The following PHF14 variants were observed in gnomAD, a reference collection of about 807,000 sequenced individuals.
PHF14 encodes PHD finger protein 14.
Under a neutral mutation model 117.9 loss-of-function variants are expected in PHF14, and 55 were observed. The ratio of observed to expected loss-of-function variants is 0.47; its 90% CI spans 0.38 to 0.58. The LOEUF is 0.58. PHF14 is among the 20% of genes least tolerant of loss of function. The probability of loss-of-function intolerance (pLI) is 0.00; values close to 1 mark genes in which losing one functional copy is unlikely to be tolerated. For synonymous variants in PHF14, 409 were observed against 368.6 expected (o/e 1.11, Z -1.26); for missense variants, 978 against 1,122.2 (o/e 0.87, Z 1.84).
At chr7:10,986,256 T>C (rs1258562825) in intron 3 of PHF14, among the ~76,000 whole-genome samples, 1 of 151,968 alleles carries the variant, frequency 6.6e-6, no homozygotes, top group Non-Finnish European at 1.5e-5. Flanking sequence ...AGTGTTGGGA[T>C]TACAGGTGTG....
At chr7:11,133,857 G>A (rs1788149768) in intron 17 of PHF14, among the ~76,000 whole-genome samples, 1 of 152,004 alleles carries the variant, frequency 6.6e-6, no homozygotes, top group Non-Finnish European at 1.5e-5. Context: ...GATAGAAAAG[G>A]AAGTTTTAGT....
At chr7:10,985,086 C>G (rs1184497507) in intron 3 of PHF14, among the ~76,000 whole-genome samples, 1 of 152,184 alleles carries the variant, frequency 6.6e-6, no homozygotes, top group East Asian at 1.9e-4. Context: ...TTATGTCCCT[C>G]AAATTAGATA....
At chr7:10,990,888 CTG>C (rs1687488321) in intron 4 of PHF14, 41 bp downstream of exon 4, 1 of 1,467,806 alleles carries the variant, frequency 6.8e-7, no homozygotes. Flanking sequence ...AAATGGCTGA[CTG>C]TGGCTCTTTT....
intron 17 of PHF14, among the ~76,000 whole-genome samples, chr7:11,148,737 TAA>T (rs778788410): frequency 2.6e-5 from 4 of 152,202 alleles, no homozygotes; most frequent in Non-Finnish European, 4.4e-5. Context: ...AACATTTATA[TAA>T]GTTTAATTCT....
intron 17 of PHF14, among the ~76,000 whole-genome samples, chr7:11,113,866 C>T (rs1378508085): frequency 1.3e-5 from 2 of 152,090 alleles, no homozygotes; most frequent in Non-Finnish European, 2.9e-5. Flanking sequence ...GAAGCTTTTA[C>T]ATTCGGAAGC....
chr7:10,974,048 G>A lies in PHF14; in HGVS notation c.-276G>A. The stretch of plus-strand genomic sequence containing the variant: ...GAGAAATTAACTCCCCGGGGCCGCC[G>A]GGTTGACTGCGCTGCCTGGGCCGGA... On this transcript the variant is annotated 5_prime_UTR_variant, in exon 1 of 18. Coordinates refer to ENST00000634607, the MANE Select transcript of PHF14 (RefSeq NM_001007157.2). 2.4e-6 allele frequency: 1 copy of A among 416,258 alleles called. No homozygotes were observed. The highest frequency in any genetic ancestry group is 4.3e-6 in the Non-Finnish European group (1 of 230,342). 25.8% of individuals were successfully genotyped at this position (416,258 alleles called of 1,614,324 possible). A position where few individuals can be genotyped will look rare whatever the true frequency, so the allele number is the denominator to read the frequency against.
At chr7:11,016,138 C>G (rs954329134) in intron 5 of PHF14, among the ~76,000 whole-genome samples, 1 of 151,968 alleles carries the variant, frequency 6.6e-6, no homozygotes, top group African/African-American at 2.4e-5. Flanking sequence ...AAGTAGACAC[C>G]TCCTGTGATG....
At chr7:11,062,353 CTATT>C (rs993068544) in intron 16 of PHF14, 5 of 234,290 alleles carry the variant, frequency 2.1e-5, no homozygotes, top group African/African-American at 4.5e-5. Context: ...ACAGTGCTCT[CTATT>C]TAGAGGCCAT....
At chr7:11,088,362 A>G (rs1356077356) in intron 16 of PHF14, among the ~76,000 whole-genome samples, 1 of 151,990 alleles carries the variant, frequency 6.6e-6, no homozygotes, top group East Asian at 1.9e-4. Context: ...GGCAGACTGT[A>G]TTAACTTCAG....
At chr7:11,010,271 C>T (rs77027227) in intron 4 of PHF14, among the ~76,000 whole-genome samples, 4,316 of 151,940 alleles carry the variant, frequency 0.028, 205 homozygotes, top group African/African-American at 0.099. Context: ...ATAAAACTGA[C>T]CCCAAGAATA....
intron 14 of PHF14, among the ~76,000 whole-genome samples, chr7:11,060,996 C>G (rs983943659): frequency 9.9e-5 from 15 of 152,068 alleles, no homozygotes; most frequent in African/African-American, 3.6e-4. Flanking sequence ...GGTACCTACT[C>G]TAGCTTGGGA....
At chr7:11,149,260 G>A (rs755736977) in intron 17 of PHF14, among the ~76,000 whole-genome samples, 13 of 152,002 alleles carry the variant, frequency 8.6e-5, no homozygotes, top group Non-Finnish European at 1.8e-4. Context: ...TGCTTGATTT[G>A]CCATCATTTA....
At chr7:11,078,167 C>T (rs1056690700) in intron 16 of PHF14, among the ~76,000 whole-genome samples, 1 of 152,092 alleles carries the variant, frequency 6.6e-6, no homozygotes, top group South Asian at 2.1e-4. Flanking sequence ...TTCACTTATT[C>T]TCTAGGTGGC....
At chr7:11,027,158 C>T (rs568300564) in intron 6 of PHF14, among the ~76,000 whole-genome samples, 15 of 152,272 alleles carry the variant, frequency 9.9e-5, no homozygotes, top group African/African-American at 3.6e-4. Context: ...ATGAAATTAT[C>T]CAGATAATCT....
Position 11,146,680 on chromosome 7 carries a change from A to G in PHF14, c.2773-22736A>G, listed in dbSNP as rs145208701. Among the ~76,000 whole-genome samples, 180 of 152,272 alleles carry G rather than the reference A, an allele frequency of 1.2e-3. 2 individuals are homozygous for G. In the East Asian group the frequency reaches 0.022, roughly 18 times the overall value. ...ACAAAAGCATTTAGAGAACTCTACT[A>G]TGTTTGAGATTTTCCTTTCATACAT... is the stretch of plus-strand genomic sequence containing the variant. On this transcript the variant is annotated intron_variant, in intron 17 of 17. Coordinates refer to ENST00000634607, the MANE Select transcript of PHF14 (RefSeq NM_001007157.2).
intron 4 of PHF14, among the ~76,000 whole-genome samples, chr7:10,995,123 C>G (rs1390450552): frequency 2.6e-5 from 4 of 152,170 alleles, no homozygotes; most frequent in Admixed American, 1.3e-4. Context: ...GAGCTAGACA[C>G]AGGGTGCAGA....
At chr7:11,142,182 A>G (rs1788419589) in intron 17 of PHF14, among the ~76,000 whole-genome samples, 2 of 152,108 alleles carry the variant, frequency 1.3e-5, no homozygotes, top group South Asian at 2.1e-4. Flanking sequence ...ATGAAAAATT[A>G]TGAACCACAA....
At chr7:11,106,127 C>G (rs17163958) in intron 16 of PHF14, 82,608 of 982,830 alleles carry the variant, frequency 0.084, 3,611 homozygotes, top group African/African-American at 0.12. Context: ...ATTGTTTTGT[C>G]TCATCTTTCA....
intron 8 of PHF14, 34 bp downstream of exon 8, chr7:11,035,820 G>A (rs1290582764): frequency 6.5e-7 from 1 of 1,538,814 alleles, no homozygotes; most frequent in African/African-American, 1.4e-5. Flanking sequence ...GTATGTTTTT[G>A]TTTTAAGGTT....
Sources: allele counts gnomAD v4.1 joint callset (sites outside exome capture counted in the v4.1 genomes callset), GRCh38; gene constraint gnomAD v4.1.1; transcripts MANE v1.5; gene names NCBI Gene and HGNC (gene_info 2026-07-23, HGNC 2026-07-21).